Variants in UVRAG observed in about 807,000 individuals in gnomAD.
The protein encoded by UVRAG is UV radiation resistance associated.
UVRAG carries 19 observed loss-of-function variants against 78.0 expected under a neutral mutation model. The observed-to-expected ratio is 0.24, with a 90% CI of 0.17 to 0.36. The LOEUF (loss-of-function observed/expected upper bound fraction) is 0.36, where lower values mean the gene tolerates loss of function less well. UVRAG is among the 10% of genes least tolerant of loss of function. The pLI, the probability that UVRAG is intolerant of heterozygous loss-of-function variation, is 1.00. For missense variants in UVRAG, 740 were observed against 853.8 expected (o/e 0.87, Z 1.66); for synonymous variants, 323 against 324.6 (o/e 1.00, Z 0.05).
intron 7 of UVRAG, chr11:75,979,667 C>T (rs1949345926): frequency 6.5e-6 from 1 of 152,762 alleles, no homozygotes; most frequent in South Asian, 2.1e-4. Flanking sequence ...GGCGTGGGAC[C>T]CTCTGAGCCA....
rs181580194 is a variant in UVRAG, at chr11:76,012,644, C to T, written c.1060+3777C>T. ...GGGTGATACTGTTTGAGAAACTCCA[C>T]CGTAGTGCTCCAACATTAGTGTGCT... On this transcript the variant is annotated intron_variant, in intron 11 of 14. Transcript: ENST00000356136. 1.3e-3 allele frequency among the ~76,000 whole-genome samples: 191 copies of T among 152,134 alleles called. 1 individual carries two copies. Among genetic ancestry groups the T allele is most frequent in the Non-Finnish European group, 2.2e-3 (152 of 68,004 alleles).
At chr11:76,048,006 AG>A (rs1481326343) in intron 12 of UVRAG, among the ~76,000 whole-genome samples, 2 of 152,260 alleles carry the variant, frequency 1.3e-5, no homozygotes, top group Non-Finnish European at 2.9e-5. Context: ...GTTAAAATCC[AG>A]CAAGCACTTA....
rs1348138743 is a variant in UVRAG, at chr11:76,093,201, ATTTTGGTACCAGTACCATGCTG to A, written c.1306-22693_1306-22672del. ...TTCTGTTCCATTGGTCTATATCTCT[ATTTTGGTACCAGTACCATGCTG>A]TTTTGGTACCAGTACCATGCTGTTT... On this transcript the variant is annotated intron_variant, in intron 13 of 14. Coordinates refer to ENST00000356136, the MANE Select transcript of UVRAG (RefSeq NM_003369.4). Among the ~76,000 whole-genome samples, 156 of 151,528 alleles carry A rather than the reference ATTTTGGTACCAGTACCATGCTG, an allele frequency of 1.0e-3. 1 individual carries two copies. Among genetic ancestry groups the A allele is most frequent in the African/African-American group, 2.1e-3 (86 of 41,266 alleles).
At chr11:76,081,495 C>T (rs552977808) in intron 13 of UVRAG, among the ~76,000 whole-genome samples, 7 of 152,112 alleles carry the variant, frequency 4.6e-5, no homozygotes, top group South Asian at 2.1e-4. Context: ...TGTGAGTGAC[C>T]GACCGCACCT....
At chr11:75,885,128 TTC>T (rs1216359979) in intron 4 of UVRAG, among the ~76,000 whole-genome samples, 1 of 152,090 alleles carries the variant, frequency 6.6e-6, no homozygotes, top group Non-Finnish European at 1.5e-5. Context: ...TTTTTAATAT[TTC>T]TGTTTTCAAT....
chr11:76,080,391 G>T (rs1259261127), intron 13 of UVRAG, among the ~76,000 whole-genome samples: 2 of 152,142 alleles, frequency 1.3e-5, no homozygotes, highest in East Asian at 3.8e-4. Flanking sequence ...GGAAAAGACT[G>T]CCTGGTTGTA....
intron 12 of UVRAG, among the ~76,000 whole-genome samples, chr11:76,047,658 T>C (rs567327470): frequency 7.2e-5 from 11 of 152,238 alleles, no homozygotes; most frequent in Non-Finnish European, 1.5e-4. Flanking sequence ...TAGGTATAGC[T>C]GTTATCTTTT....
intron 13 of UVRAG, among the ~76,000 whole-genome samples, chr11:76,091,599 T>C (rs933535717): frequency 2.0e-5 from 3 of 152,166 alleles, no homozygotes; most frequent in African/African-American, 4.8e-5. Flanking sequence ...TGGAGAGATT[T>C]GCTTACCTTC....
intron 14 of UVRAG, among the ~76,000 whole-genome samples, chr11:76,127,907 A>C (rs1439200110): frequency 6.6e-6 from 1 of 152,266 alleles, no homozygotes; most frequent in Non-Finnish European, 1.5e-5. Flanking sequence ...CAGTGAGCCA[A>C]GATTGCACCA....
intron 1 of UVRAG, among the ~76,000 whole-genome samples, chr11:75,819,900 A>G (rs1260728304): frequency 6.6e-6 from 1 of 152,090 alleles, no homozygotes; most frequent in Non-Finnish European, 1.5e-5. Flanking sequence ...CCTGGGAGGC[A>G]GAGGTTGCAG....
intron 6 of UVRAG, among the ~76,000 whole-genome samples, chr11:75,940,439 A>C (rs1374144730): frequency 2.0e-5 from 3 of 152,196 alleles, no homozygotes; most frequent in Non-Finnish European, 4.4e-5. Flanking sequence ...TCTACTTAAA[A>C]GGTCATTGTC....
At chr11:75,849,109 C>T (rs960031365) in intron 1 of UVRAG, among the ~76,000 whole-genome samples, 8 of 151,982 alleles carry the variant, frequency 5.3e-5, no homozygotes, top group Non-Finnish European at 1.2e-4. Context: ...ACCCAGGATG[C>T]GGAGGCTGCA....
At chr11:75,908,712 C>CTTTTTTTTTTTT (rs1024795820) in intron 5 of UVRAG, among the ~76,000 whole-genome samples, 1 of 45,444 alleles carries the variant, frequency 2.2e-5, no homozygotes, top group Non-Finnish European at 4.5e-5. Context: ...TGGTTCTGGG[C>CTTTTTTTTTTTT]TTTTTTTTTT....
chr11:76,079,929 A>G (rs1196446815), intron 13 of UVRAG, among the ~76,000 whole-genome samples: 1 of 152,208 alleles, frequency 6.6e-6, no homozygotes, highest in Non-Finnish European at 1.5e-5. Context: ...GGACTAGGTA[A>G]TTAATAAAGA....
intron 4 of UVRAG, among the ~76,000 whole-genome samples, chr11:75,886,258 C>T (rs1947076942): frequency 6.6e-6 from 1 of 152,034 alleles, no homozygotes; most frequent in South Asian, 2.1e-4. Context: ...AGAACTTTAC[C>T]TTCATGTTAG....
intron 2 of UVRAG, among the ~76,000 whole-genome samples, chr11:75,852,852 G>T (rs116720672): frequency 0.01 from 1,598 of 152,202 alleles, 30 homozygotes; most frequent in African/African-American, 0.036. Context: ...TTAACAAAAG[G>T]TACTGAGACT....
At chr11:76,047,107 CAT>C (rs201293660) in intron 12 of UVRAG, among the ~76,000 whole-genome samples, 2,440 of 152,268 alleles carry the variant, frequency 0.016, 27 homozygotes, top group Non-Finnish European at 0.021. Flanking sequence ...GACATGTAAA[CAT>C]ATGATTGTAA....
chr11:76,009,036 T>G (rs1950002276), intron 11 of UVRAG, among the ~76,000 whole-genome samples, 169 bp downstream of exon 11: 1 of 152,128 alleles, frequency 6.6e-6, no homozygotes, highest in Admixed American at 6.5e-5. Context: ...GAATGTTAGG[T>G]CTGATCATAG....
chr11:75,826,164 T>A (rs543061965), intron 1 of UVRAG, among the ~76,000 whole-genome samples: 39 of 151,282 alleles, frequency 2.6e-4, no homozygotes, highest in African/African-American at 9.0e-4. Context: ...TCTTTCCTTT[T>A]TTTTTCTTTT....
Sources: gnomAD v4.1 joint callset for allele counts (sites outside exome capture counted in the v4.1 genomes callset) on GRCh38, gnomAD v4.1.1 for gene constraint, MANE v1.5 for transcripts, NCBI Gene and HGNC (gene_info 2026-07-23, HGNC 2026-07-21) for gene names.